NCKAP5: variants seen among roughly 807,000 people sequenced by gnomAD.
NCKAP5 encodes the protein NCK associated protein 5.
Under a neutral mutation model 167.0 loss-of-function variants are expected in NCKAP5, and 92 were observed. The observed-to-expected ratio is 0.55, with a 90% CI of 0.47 to 0.66. The LOEUF (loss-of-function observed/expected upper bound fraction) is 0.66, where lower values mean the gene tolerates loss of function less well. Among genes scored for constraint, NCKAP5 ranks in the 30% least tolerant of loss-of-function variants. NCKAP5 has a pLI of 0.00. For missense variants in NCKAP5, 2,378 were observed against 2,315.0 expected, an observed-to-expected ratio of 1.03 and a Z score of -0.56; for synonymous variants, 891 against 877.4, an observed-to-expected ratio of 1.02 and a Z score of -0.27.
chr2:132,708,635 A>G (rs1219363152), intron 19 of NCKAP5, among the ~76,000 whole-genome samples: 1 of 152,198 alleles, frequency 6.6e-6, no homozygotes, highest in African/African-American at 2.4e-5. Flanking sequence ...GAAACTCACC[A>G]TCCTGAGGGA....
chr2:132,699,232 C>G (rs779931160), intron 19 of NCKAP5, among the ~76,000 whole-genome samples: 1 of 152,192 alleles, frequency 6.6e-6, no homozygotes, highest in Non-Finnish European at 1.5e-5. Flanking sequence ...AATCCTGATT[C>G]TAAGTGTAAA....
intron 3 of NCKAP5, among the ~76,000 whole-genome samples, chr2:133,444,812 C>T (rs528604597): frequency 1.3e-5 from 2 of 152,180 alleles, no homozygotes; most frequent in Non-Finnish European, 2.9e-5. Context: ...TAGCGCTGGC[C>T]TTGCTGCTCC....
chr2:133,651,636 C>A, the NCKAP5 span, among the ~76,000 whole-genome samples: 2 of 152,138 alleles, frequency 1.3e-5, no homozygotes, highest in Non-Finnish European at 2.9e-5. Flanking sequence ...ATAGAACTAC[C>A]ATATGACCCA....
chr2:132,719,176 C>A (rs775718417), intron 19 of NCKAP5, among the ~76,000 whole-genome samples: 9 of 151,616 alleles, frequency 5.9e-5, no homozygotes, highest in Non-Finnish European at 8.8e-5. Flanking sequence ...AAGTACAAGC[C>A]AGGAAATGAA....
chr2:132,968,148 G>T (rs148261896), intron 7 of NCKAP5, among the ~76,000 whole-genome samples: 280 of 152,290 alleles, frequency 1.8e-3, no homozygotes, highest in African/African-American at 6.0e-3. Context: ...GTCTTTCTAG[G>T]CATAGGAAGA....
chr2:133,636,019 C>A, the NCKAP5 span, among the ~76,000 whole-genome samples: 2 of 152,140 alleles, frequency 1.3e-5, no homozygotes, highest in Non-Finnish European at 2.9e-5. Flanking sequence ...AGCTTATGAA[C>A]AGTAGTGTGG....
the NCKAP5 span, among the ~76,000 whole-genome samples, chr2:133,647,503 AAAGGAAAGGAAAGGAAAGG>A: frequency 7.6e-6 from 1 of 132,378 alleles, no homozygotes; most frequent in East Asian, 2.2e-4. Context: ...AAAGGAAAGG[AAAGGAAAGGAAAGGAAAGG>A]AAAGGAAAGG....
At chr2:133,587,739 C>G in the NCKAP5 span, among the ~76,000 whole-genome samples, 6 of 152,224 alleles carry the variant, frequency 3.9e-5, no homozygotes, top group African/African-American at 1.4e-4. Flanking sequence ...GCCCACGTTT[C>G]TCTCTCTGAA....
rs1367114833 is a variant in NCKAP5 at position 132,878,882 on chromosome 2, T to C, written c.614A>G (p.Asn205Ser). 5 of 1,613,858 alleles carry C rather than the reference T, an allele frequency of 3.1e-6. No individual in the cohort carries two copies. Among genetic ancestry groups the C allele is most frequent in the Non-Finnish European group, 4.2e-6 (5 of 1,179,758 alleles). ...ENSALALENE[N>S]QREQYERCLD... ...ACATCGCTCATATTGTTCCCTTTGA[T>C]TTTCATTCTCCAAAGCCAACGCTGA... Residue 205 changes from asparagine to serine, a missense_variant, in exon 9 of 20, where the codon AAT becomes AGT. Transcript: ENST00000409261.
intron 3 of NCKAP5, among the ~76,000 whole-genome samples, chr2:133,364,958 C>T (rs1326090320): frequency 1.3e-5 from 2 of 151,938 alleles, no homozygotes; most frequent in African/African-American, 4.8e-5. Context: ...ACTATATTGC[C>T]CAGACTGCTC....
chr2:133,196,122 G>A (rs747239433), intron 5 of NCKAP5, among the ~76,000 whole-genome samples: 2 of 152,164 alleles, frequency 1.3e-5, no homozygotes, highest in Non-Finnish European at 2.9e-5. Flanking sequence ...ATGCTCGTGT[G>A]TTGGTTTAGA....
chr2:132,725,549 C>T, intron 19 of NCKAP5, 78 bp downstream of exon 19: 33 of 1,471,846 alleles, frequency 2.2e-5, no homozygotes, highest in Non-Finnish European at 3.0e-5. Context: ...AGGGTGGGGG[C>T]CGAGCACAGT....
chr2:133,247,097 T>C (rs1415259085), intron 4 of NCKAP5, among the ~76,000 whole-genome samples: 1 of 152,236 alleles, frequency 6.6e-6, no homozygotes, highest in African/African-American at 2.4e-5. Context: ...TTTAAAGTAA[T>C]GTTAGTTTGT....
intron 9 of NCKAP5, among the ~76,000 whole-genome samples, chr2:132,873,649 C>T (rs942315510): frequency 6.6e-6 from 1 of 152,166 alleles, no homozygotes; most frequent in African/African-American, 2.4e-5. Context: ...ACAGTGAACC[C>T]TAGTCTGCCT....
intron 2 of NCKAP5, among the ~76,000 whole-genome samples, chr2:133,541,135 C>A (rs1027591639): frequency 3.3e-5 from 5 of 150,862 alleles, no homozygotes; most frequent in African/African-American, 9.7e-5. Flanking sequence ...AACCACTAAA[C>A]AAATAACAAA....
At chr2:132,972,192 G>A (rs1323280537) in intron 7 of NCKAP5, among the ~76,000 whole-genome samples, 1 of 152,076 alleles carries the variant, frequency 6.6e-6, no homozygotes, top group Non-Finnish European at 1.5e-5. Context: ...AGTAATAGAT[G>A]TCCTATGCAA....
At chr2:133,321,980 A>C (rs1214125543) in intron 3 of NCKAP5, among the ~76,000 whole-genome samples, 1 of 152,188 alleles carries the variant, frequency 6.6e-6, no homozygotes, top group African/African-American at 2.4e-5. Flanking sequence ...CTTAATAGTC[A>C]TGCAACCTGG....
intron 6 of NCKAP5, among the ~76,000 whole-genome samples, chr2:133,050,028 G>A (rs2079548293): frequency 6.6e-6 from 1 of 152,212 alleles, no homozygotes; most frequent in Non-Finnish European, 1.5e-5. Flanking sequence ...TTGAGTGGAA[G>A]GGAGGTGGTC....
At chr2:133,082,964 T>C (rs1368680146) in intron 6 of NCKAP5, among the ~76,000 whole-genome samples, 1 of 152,082 alleles carries the variant, frequency 6.6e-6, no homozygotes, top group Non-Finnish European at 1.5e-5. Flanking sequence ...CCAGCATTCC[T>C]CCCCAGAAAC....
Sources: allele counts gnomAD v4.1 joint callset (sites outside exome capture counted in the v4.1 genomes callset), GRCh38; gene constraint gnomAD v4.1.1; transcripts MANE v1.5; gene names NCBI Gene and HGNC (gene_info 2026-07-23, HGNC 2026-07-21).